The following KIAA1549L variants were observed in gnomAD, a reference collection of about 807,000 sequenced individuals.
KIAA1549L encodes KIAA1549 like, also known as UPF0606 protein KIAA1549L.
Under a neutral mutation model 160.7 loss-of-function variants are expected in KIAA1549L, and 88 were observed. The observed-to-expected ratio is 0.55, with a 90% CI of 0.46 to 0.65. The LOEUF is 0.65. KIAA1549L is among the 30% of genes least tolerant of loss of function. The probability of loss-of-function intolerance (pLI) is 0.00; values close to 1 mark genes in which losing one functional copy is unlikely to be tolerated. For synonymous variants in KIAA1549L, 950 were observed against 976.7 expected, an observed-to-expected ratio of 0.97 and a Z score of 0.51; for missense variants, 2,258 against 2,437.5, an observed-to-expected ratio of 0.93 and a Z score of 1.55.
intron 1 of KIAA1549L, among the ~76,000 whole-genome samples, chr11:33,408,489 G>GTGTA (rs34208718): frequency 0.13 from 15,724 of 122,854 alleles, 1,089 homozygotes; most frequent in East Asian, 0.26. Context: ...CTGTATATGT[G>GTGTA]TATATATATA....
intron 12 of KIAA1549L, among the ~76,000 whole-genome samples, chr11:33,594,505 G>A (rs1850147891): frequency 6.6e-6 from 1 of 152,180 alleles, no homozygotes; most frequent in Non-Finnish European, 1.5e-5. Context: ...AAGGGCCTTT[G>A]TTCATATGGT....
rs1291320531 is a variant in KIAA1549L, at chr11:33,543,259, A to C, written c.1696A>C (p.Thr566Pro). Reference sequence around the variant, plus strand: ...TCCCCGGTGGAAAAAGGACAGTGTGACAGCCATTTTAGGGAAGAATGAAGA... The same window carrying C: ...TCCCCGGTGGAAAAAGGACAGTGTGCCAGCCATTTTAGGGAAGAATGAAGA... ...TFPRWKKDSVTAILGKNEEAN... is the reference protein window; with the variant it reads ...TFPRWKKDSVPAILGKNEEAN... The change falls in exon 2 of 21, where the codon ACA becomes CCA. Residue 566 changes from threonine to proline, a missense_variant. Transcript: ENST00000658780. 6.2e-7 allele frequency: 1 copy of C among 1,614,056 alleles called. No individual in the cohort carries two copies. Among genetic ancestry groups the C allele is most frequent in the Non-Finnish European group, 8.5e-7 (1 of 1,179,898 alleles).
rs1850884791 is a variant in KIAA1549L, at chr11:33,618,678, G to A, written c.5409+16G>A. ...CGGATACGATGTGAGTCTCTGGTGG[G>A]CTGGGTAAATACAAGCTTTCCTTTC... On this transcript the variant is annotated intron_variant, in intron 16 of 20. Coordinates refer to ENST00000658780, the MANE Select transcript of KIAA1549L (RefSeq NM_012194.3). The A allele has an allele frequency of 6.4e-7, 1 of 1,553,976 alleles. No homozygotes were observed. Among genetic ancestry groups the A allele is most frequent in the Non-Finnish European group, 8.7e-7 (1 of 1,144,466 alleles).
chr11:33,510,859 T>C (rs1312023368), intron 1 of KIAA1549L, among the ~76,000 whole-genome samples: 1 of 152,174 alleles, frequency 6.6e-6, no homozygotes, highest in Admixed American at 6.5e-5. Flanking sequence ...CAGCCAGATG[T>C]GAAGCCAGCT....
At chr11:33,464,353 C>T (rs1032706535) in intron 1 of KIAA1549L, among the ~76,000 whole-genome samples, 4 of 152,168 alleles carry the variant, frequency 2.6e-5, no homozygotes, top group Non-Finnish European at 5.9e-5. Flanking sequence ...CCTACCTACA[C>T]TGAGCCCCTA....
At chr11:33,578,291 A>C (rs1389843817) in intron 10 of KIAA1549L, among the ~76,000 whole-genome samples, 4 of 152,026 alleles carry the variant, frequency 2.6e-5, no homozygotes, top group Non-Finnish European at 5.9e-5. Flanking sequence ...CTCAGCTGTC[A>C]CTCAAGAGAG....
intron 3 of KIAA1549L, among the ~76,000 whole-genome samples, chr11:33,546,682 T>G (rs1854275014): frequency 6.6e-6 from 1 of 152,194 alleles, no homozygotes. Flanking sequence ...CATTTCCCAT[T>G]GCCCTTAGGA....
At chr11:33,446,375 A>G (rs1851611240) in intron 1 of KIAA1549L, among the ~76,000 whole-genome samples, 1 of 152,108 alleles carries the variant, frequency 6.6e-6, no homozygotes, top group East Asian at 1.9e-4. Flanking sequence ...GATTACGGAC[A>G]TGAGCCACTG....
intron 6 of KIAA1549L, among the ~76,000 whole-genome samples, chr11:33,552,596 G>A (rs942615610): frequency 4.0e-5 from 6 of 151,118 alleles, no homozygotes; most frequent in Non-Finnish European, 7.4e-5. Flanking sequence ...AGATTTGCCC[G>A]TTCTGTGATT....
intron 16 of KIAA1549L, among the ~76,000 whole-genome samples, chr11:33,640,480 CA>C (rs1317260555): frequency 2.0e-5 from 3 of 152,204 alleles, no homozygotes; most frequent in Non-Finnish European, 2.9e-5. Context: ...ATCACGCACA[CA>C]ATCTATGTGG....
chr11:33,432,334 G>C (rs537224126), intron 1 of KIAA1549L, among the ~76,000 whole-genome samples: 25 of 152,336 alleles, frequency 1.6e-4, no homozygotes, highest in South Asian at 8.3e-4. Flanking sequence ...CACTTTACTT[G>C]ACCCTGACTC....
intron 1 of KIAA1549L, among the ~76,000 whole-genome samples, chr11:33,400,219 C>A (rs116722930): frequency 2.4e-3 from 360 of 152,228 alleles, no homozygotes; most frequent in African/African-American, 7.9e-3. Context: ...TTAAGTAAGA[C>A]CAATGCTAGG....
intron 11 of KIAA1549L, among the ~76,000 whole-genome samples, chr11:33,588,486 C>G (rs756759158): frequency 6.6e-6 from 1 of 151,994 alleles, no homozygotes; most frequent in Non-Finnish European, 1.5e-5. Context: ...GGAAGCTCAT[C>G]GGGGAGGCCT....
chr11:33,574,734 G>A lies in KIAA1549L; in HGVS notation c.4263G>A (p.Lys1421=). 6.2e-7 allele frequency: 1 copy of A among 1,612,860 alleles called. No individual in the cohort carries two copies. Residue 1421 remains lysine (K), a synonymous_variant, in exon 10 of 21, where the codon AAG becomes AAA. Transcript: ENST00000658780. ...AGATGCAGCGTGTCCCAGGCCCGAAGGACCCAGCGGAGCTGACTTACTATA... is the reference window on the plus strand; with the variant it reads ...AGATGCAGCGTGTCCCAGGCCCGAAAGACCCAGCGGAGCTGACTTACTATA... ...MVKMQRVPGP[K]DPAELTYYTL...
intron 16 of KIAA1549L, among the ~76,000 whole-genome samples, chr11:33,622,381 G>A (rs4755767): frequency 0.57 from 85,909 of 151,900 alleles, 24,701 homozygotes; most frequent in Middle Eastern, 0.64. Context: ...CTGAGGAGGG[G>A]CTGCTGCCTC....
At chr11:33,611,744 G>T (rs1405840412) in intron 15 of KIAA1549L, among the ~76,000 whole-genome samples, 3 of 152,162 alleles carry the variant, frequency 2.0e-5, no homozygotes, top group Admixed American at 6.5e-5. Flanking sequence ...CAGGGAAAAT[G>T]AATCAAAGCC....
chr11:33,544,463 G>A (rs572194178), intron 2 of KIAA1549L, 127 bp downstream of exon 2: 17 of 1,013,530 alleles, frequency 1.7e-5, no homozygotes, highest in Admixed American at 2.4e-5. Context: ...TCATACCCCC[G>A]ATCAGGAATG....
intron 4 of KIAA1549L, among the ~76,000 whole-genome samples, 180 bp downstream of exon 4, chr11:33,548,059 G>C (rs1854324868): frequency 6.6e-6 from 1 of 152,186 alleles, no homozygotes; most frequent in Non-Finnish European, 1.5e-5. Context: ...CAAATTTTGA[G>C]ATGGAAAATG....
At chr11:33,509,448 A>G (rs909915881) in intron 1 of KIAA1549L, among the ~76,000 whole-genome samples, 1 of 152,226 alleles carries the variant, frequency 6.6e-6, no homozygotes, top group Non-Finnish European at 1.5e-5. Flanking sequence ...TACAAAGTCA[A>G]GCAAGCTCAT....
Sources: allele counts gnomAD v4.1 joint callset (sites outside exome capture counted in the v4.1 genomes callset), GRCh38; gene constraint gnomAD v4.1.1; transcripts MANE v1.5; gene names NCBI Gene and HGNC (gene_info 2026-07-23, HGNC 2026-07-21).